Variants in SFTPD observed in about 807,000 individuals in gnomAD.
SFTPD encodes pulmonary surfactant-associated protein D.
A neutral mutation model predicts 34.6 loss-of-function variants in SFTPD; 18 were observed. That is an observed-to-expected ratio of 0.52 (90% CI 0.36 to 0.77). The LOEUF is 0.77. SFTPD is among the 30% of genes least tolerant of loss of function. The pLI, the probability that SFTPD is intolerant of heterozygous loss-of-function variation, is 0.00. For synonymous variants in SFTPD, 155 were observed against 180.9 expected, an observed-to-expected ratio of 0.86 and a Z score of 1.15; for missense variants, 433 against 468.9, an observed-to-expected ratio of 0.92 and a Z score of 0.71.
chr10:79,943,390 G>A (rs1479150440), intron 2 of SFTPD, among the ~76,000 whole-genome samples: 1 of 152,180 alleles, frequency 6.6e-6, no homozygotes, highest in African/African-American at 2.4e-5. Flanking sequence ...CTGCTCAGCA[G>A]GGGGTTCATA....
chr10:79,964,230 G>A (rs1220436294), intron 1 of SFTPD, among the ~76,000 whole-genome samples: 1 of 152,154 alleles, frequency 6.6e-6, no homozygotes, highest in Non-Finnish European at 1.5e-5. Context: ...TATATGGGCA[G>A]AAAGAGGTTT....
At chr10:79,973,841 A>G (rs560269170) in intron 1 of SFTPD, among the ~76,000 whole-genome samples, 2 of 152,210 alleles carry the variant, frequency 1.3e-5, no homozygotes, top group African/African-American at 4.8e-5. Context: ...CATGCAGTGA[A>G]CTTCTTGGGA....
chr10:79,946,773 C>T (rs1842670262), intron 1 of SFTPD, 111 bp from the exon 2 acceptor site: 3 of 956,192 alleles, frequency 3.1e-6, no homozygotes, highest in East Asian at 2.6e-5. Flanking sequence ...TCCTTCTGTC[C>T]TCTGCTATGG....
At chr10:79,976,345 C>G (rs1354462249) in intron 1 of SFTPD, among the ~76,000 whole-genome samples, 1 of 152,194 alleles carries the variant, frequency 6.6e-6, no homozygotes, top group African/African-American at 2.4e-5. Flanking sequence ...CAGGCTTGCA[C>G]AGTGGATCCT....
intron 1 of SFTPD, among the ~76,000 whole-genome samples, chr10:79,975,760 T>C (rs1842861004): frequency 6.6e-6 from 1 of 152,224 alleles, no homozygotes; most frequent in South Asian, 2.1e-4. Context: ...ATTGTTTGTA[T>C]AGATATTCGA....
Position 79,942,075 on chromosome 10 carries a change from A to G in SFTPD, c.434-5T>C, listed in dbSNP as rs763677653. ...TGCCTGGGGCACCTACTTCTCCTGAAGAAGGAACACACAGGAACAAACACA... is the reference window on the plus strand; with the variant it reads ...TGCCTGGGGCACCTACTTCTCCTGAGGAAGGAACACACAGGAACAAACACA... On this transcript the variant is annotated splice_polypyrimidine_tract_variant and splice_region_variant and intron_variant, in intron 4 of 7. Transcript: ENST00000372292. 6.2e-7 allele frequency: 1 copy of G among 1,600,632 alleles called. No individual in the cohort carries two copies. Among genetic ancestry groups the G allele is most frequent in the African/African-American group, 1.3e-5 (1 of 74,760 alleles).
chr10:79,969,181 A>T (rs180821362), intron 1 of SFTPD: 13 of 152,304 alleles, frequency 8.5e-5, no homozygotes, highest in African/African-American at 2.4e-4. Flanking sequence ...TCCAATAAAA[A>T]ATAAAAAATA....
chr10:79,953,922 CA>C (rs1367434352), upstream of SFTPD, among the ~76,000 whole-genome samples: 2 of 151,612 alleles, frequency 1.3e-5, no homozygotes, highest in African/African-American at 4.8e-5. Flanking sequence ...TTCTTTCTTC[CA>C]CTTGATTGAA....
At chr10:79,941,248 T>C in intron 6 of SFTPD, 150 bp downstream of exon 6, 1 of 706,544 alleles carries the variant, frequency 1.4e-6, no homozygotes, top group Non-Finnish European at 2.4e-6. Flanking sequence ...GCTCCTGCCT[T>C]CCAGCCTGTC....
At chr10:79,947,817 A>G (rs1173339416) in intron 1 of SFTPD, among the ~76,000 whole-genome samples, 1 of 152,258 alleles carries the variant, frequency 6.6e-6, no homozygotes, top group Non-Finnish European at 1.5e-5. Context: ...TAAGATGGTC[A>G]GGAACTGAGA....
intron 4 of SFTPD, 23 bp from the exon 5 acceptor site, chr10:79,942,093 C>G: frequency 6.5e-7 from 1 of 1,547,050 alleles, no homozygotes; most frequent in Non-Finnish European, 8.9e-7. Flanking sequence ...CACACAGGAA[C>G]AAACACAGCT....
chr10:79,963,824 T>A (rs564562400), intron 1 of SFTPD, among the ~76,000 whole-genome samples: 1 of 152,294 alleles, frequency 6.6e-6, no homozygotes, highest in East Asian at 1.9e-4. Flanking sequence ...GTTGCACCCA[T>A]GTTGCTGCAA....
intron 2 of SFTPD, among the ~76,000 whole-genome samples, chr10:79,945,314 C>G (rs966486975): frequency 2.0e-5 from 3 of 152,024 alleles, no homozygotes; most frequent in Non-Finnish European, 4.4e-5. Flanking sequence ...ATTCTGGGAT[C>G]CCCCCTGGAC....
At chr10:79,980,648 G>A (rs535108513) in intron 1 of SFTPD, among the ~76,000 whole-genome samples, 2 of 152,330 alleles carry the variant, frequency 1.3e-5, no homozygotes, top group African/African-American at 4.8e-5. Context: ...TTTGGGAGAA[G>A]GTATGGGAAG....
At chr10:79,973,835 C>A (rs1036854496) in intron 1 of SFTPD, among the ~76,000 whole-genome samples, 4 of 152,138 alleles carry the variant, frequency 2.6e-5, no homozygotes, top group Admixed American at 2.0e-4. Context: ...CAGTGTCATG[C>A]AGTGAACTTC....
rs560075282 is a variant in SFTPD, at chr10:79,978,413, A to G, written c.36+4162T>C. On this transcript the variant is annotated intron_variant, in intron 1 of 5. Coordinates refer to the SFTPD transcript ENST00000444384. ...ATGCCTGTAATCCTAGCACTTTGGG[A>G]GGCCAACGTGGGTGGATCACTTGAG... Among the ~76,000 whole-genome samples the G allele has an allele frequency of 2.0e-5, 3 of 152,284 alleles. No homozygotes were observed. The South Asian group carries it at 6.2e-4, about 32-fold the overall frequency.
intron 1 of SFTPD, chr10:79,971,726 C>T (rs1305802172): frequency 1.3e-5 from 2 of 152,026 alleles, no homozygotes; most frequent in Non-Finnish European, 2.9e-5. Flanking sequence ...CGGGAATGCT[C>T]TTATATGTGA....
chr10:79,958,880 C>A (rs1260012363), intron 1 of SFTPD, among the ~76,000 whole-genome samples: 1 of 151,890 alleles, frequency 6.6e-6, no homozygotes, highest in Non-Finnish European at 1.5e-5. Flanking sequence ...CCAAAATTGA[C>A]CACATAGTTG....
At chr10:79,969,151 C>G (rs1842820910) in intron 1 of SFTPD, 1 of 151,658 alleles carries the variant, frequency 6.6e-6, no homozygotes, top group Non-Finnish European at 1.5e-5. Context: ...CCGGCCTGAC[C>G]AACATAGTGG....
Sources: gnomAD v4.1 joint callset for allele counts (sites outside exome capture counted in the v4.1 genomes callset) on GRCh38, gnomAD v4.1.1 for gene constraint, MANE v1.5 for transcripts, NCBI Gene and HGNC (gene_info 2026-07-23, HGNC 2026-07-21) for gene names.